Variants in DLG2 observed in about 807,000 individuals in gnomAD.
DLG2 encodes the protein discs large MAGUK scaffold protein 2.
Under a neutral mutation model 132.5 loss-of-function variants are expected in DLG2, and 45 were observed. The ratio of observed to expected loss-of-function variants is 0.34; its 90% CI spans 0.27 to 0.44. The LOEUF (loss-of-function observed/expected upper bound fraction) is 0.44. Among genes scored for constraint, DLG2 ranks in the 20% least tolerant of loss-of-function variants. The probability of loss-of-function intolerance (pLI) is 1.00; values close to 1 mark genes in which losing one functional copy is unlikely to be tolerated. For missense variants in DLG2, 1,045 were observed against 1,196.9 expected, an observed-to-expected ratio of 0.87 and a Z score of 1.87; for synonymous variants, 424 against 419.6, an observed-to-expected ratio of 1.01 and a Z score of -0.13.
chr11:85,351,705 T>C (rs2083303202), intron 3 of DLG2, among the ~76,000 whole-genome samples: 1 of 152,220 alleles, frequency 6.6e-6, no homozygotes, highest in Non-Finnish European at 1.5e-5. Context: ...ACGTGATGGA[T>C]TATATTTACT....
intron 6 of DLG2, among the ~76,000 whole-genome samples, chr11:85,092,643 CTTT>C (rs551838341): frequency 7.6e-5 from 10 of 132,240 alleles, no homozygotes; most frequent in Non-Finnish European, 1.5e-4. Context: ...GTACACGTGA[CTTT>C]TTTTTTTTTT....
At chr11:84,832,933 C>T (rs2153997160) in intron 6 of DLG2, among the ~76,000 whole-genome samples, 1 of 151,644 alleles carries the variant, frequency 6.6e-6, no homozygotes, top group African/African-American at 2.4e-5. Flanking sequence ...AAAGTCTTAT[C>T]TGTGCCAGGG....
intron 21 of DLG2, 54 bp downstream of exon 21, chr11:83,532,654 A>G: frequency 1.3e-6 from 2 of 1,504,130 alleles, no homozygotes; most frequent in Non-Finnish European, 1.8e-6. Context: ...TGTTAATTAT[A>G]GTTAAATCCA....
chr11:85,239,969 C>T (rs1189011343), intron 4 of DLG2, among the ~76,000 whole-genome samples: 1 of 151,892 alleles, frequency 6.6e-6, no homozygotes, highest in African/African-American at 2.4e-5. Context: ...TTTTACAAGA[C>T]CATGCCAAAC....
chr11:85,421,453 T>C (rs1293826998), intron 3 of DLG2, among the ~76,000 whole-genome samples: 5 of 151,808 alleles, frequency 3.3e-5, no homozygotes, highest in African/African-American at 1.2e-4. Context: ...GCTTTGAAGT[T>C]TGTTTCATCT....
chr11:85,376,586 G>A (rs2085423411), intron 3 of DLG2, among the ~76,000 whole-genome samples: 1 of 152,110 alleles, frequency 6.6e-6, no homozygotes, highest in South Asian at 2.1e-4. Flanking sequence ...ACTCATTTCT[G>A]CTATAATAAA....
intron 6 of DLG2, among the ~76,000 whole-genome samples, chr11:84,613,587 CCACT>C (rs949470734): frequency 3.3e-5 from 5 of 152,166 alleles, no homozygotes; most frequent in Admixed American, 3.3e-4. Context: ...CACATAGTGA[CCACT>C]CACTAATTAT....
intron 5 of DLG2, among the ~76,000 whole-genome samples, chr11:85,153,688 A>C (rs1190136232): frequency 6.6e-6 from 1 of 151,614 alleles, no homozygotes; most frequent in Non-Finnish European, 1.5e-5. Context: ...TTAAAGGTCT[A>C]AAGTTTTCAT....
chr11:84,290,955 T>A (rs1372075790), intron 7 of DLG2, among the ~76,000 whole-genome samples: 1 of 152,124 alleles, frequency 6.6e-6, no homozygotes, highest in Non-Finnish European at 1.5e-5. Flanking sequence ...GAAAAGTAAC[T>A]AACCCCTATA....
chr11:84,296,865 C>T (rs746674534), intron 7 of DLG2, among the ~76,000 whole-genome samples: 1 of 151,914 alleles, frequency 6.6e-6, no homozygotes, highest in Non-Finnish European at 1.5e-5. Context: ...AGCAACTTTC[C>T]AAAGGAATCT....
intron 7 of DLG2, among the ~76,000 whole-genome samples, chr11:84,341,594 A>C (rs2098515066): frequency 6.6e-6 from 1 of 152,220 alleles, no homozygotes; most frequent in Admixed American, 6.5e-5. Flanking sequence ...ACTATGTCCC[A>C]TATGCAACAA....
At chr11:85,253,349 G>A (rs72947979) in intron 4 of DLG2, among the ~76,000 whole-genome samples, 1,961 of 152,278 alleles carry the variant, frequency 0.013, 16 homozygotes, top group Non-Finnish European at 0.019. Flanking sequence ...ACTGAAGCAG[G>A]ATATTTCCCT....
intron 3 of DLG2, among the ~76,000 whole-genome samples, chr11:85,474,798 A>C (rs1220180514): frequency 6.6e-6 from 1 of 151,524 alleles, no homozygotes; most frequent in African/African-American, 2.4e-5. Context: ...TTATTAATTT[A>C]TTCTATTTAA....
chr11:84,442,242 T>C (rs1182407955), intron 7 of DLG2, among the ~76,000 whole-genome samples: 1 of 152,234 alleles, frequency 6.6e-6, no homozygotes, highest in Non-Finnish European at 1.5e-5. Flanking sequence ...TGATTCTTCC[T>C]GTCCATGACC....
intron 3 of DLG2, among the ~76,000 whole-genome samples, chr11:85,540,483 T>A (rs1243377665): frequency 6.6e-6 from 1 of 152,006 alleles, no homozygotes; most frequent in Non-Finnish European, 1.5e-5. Context: ...AACACCACCA[T>A]CCCATTCCAT....
chr11:85,024,772 T>C (rs1297257531), intron 6 of DLG2, among the ~76,000 whole-genome samples: 2 of 152,220 alleles, frequency 1.3e-5, no homozygotes, highest in East Asian at 1.9e-4. Flanking sequence ...ACACTTTTTT[T>C]CCAAGTTTTG....
intron 21 of DLG2, chr11:83,486,336 C>G: frequency 1.7e-6 from 1 of 596,062 alleles, no homozygotes; most frequent in South Asian, 1.9e-5. Context: ...TCAACATCAC[C>G]AATGACTTGT....
chr11:84,285,396 T>C (rs2097899466), intron 7 of DLG2, among the ~76,000 whole-genome samples: 1 of 152,198 alleles, frequency 6.6e-6, no homozygotes, highest in Non-Finnish European at 1.5e-5. Context: ...CCCTTCTCTG[T>C]GACCTAGCCC....
At position 84,010,107 on chromosome 11, in the gene DLG2, G is replaced by GA. The variant is rs1046635711; in HGVS notation, c.920-29466dup. Among the ~76,000 whole-genome samples the GA allele has an allele frequency of 4.0e-5, 6 of 151,860 alleles. No individual in the cohort carries two copies. In the South Asian group the frequency reaches 6.2e-4, roughly 16 times the overall value. Reference sequence around the variant, plus strand: ...AAAATGAATTTAAAATATATCTCAAGAAAAAATCTAAATAGTATGAAAATA... The same window carrying GA: ...AAAATGAATTTAAAATATATCTCAAGAAAAAAATCTAAATAGTATGAAAATA... On this transcript the variant is annotated intron_variant, in intron 11 of 27. Transcript: ENST00000376104.
Sources: allele counts gnomAD v4.1 joint callset (sites outside exome capture counted in the v4.1 genomes callset), GRCh38; gene constraint gnomAD v4.1.1; transcripts MANE v1.5; gene names NCBI Gene and HGNC (gene_info 2026-07-23, HGNC 2026-07-21).